The following L2HGDH variants were observed in gnomAD, a reference collection of about 807,000 sequenced individuals.
L2HGDH encodes the protein L-2-hydroxyglutarate dehydrogenase, mitochondrial.
Under a neutral mutation model 51.5 loss-of-function variants are expected in L2HGDH, and 34 were observed. That is an observed-to-expected ratio of 0.66 (90% CI 0.50 to 0.88). The LOEUF is 0.88. Among genes scored for constraint, L2HGDH ranks in the 40% least tolerant of loss-of-function variants. The pLI, the probability that L2HGDH is intolerant of heterozygous loss-of-function variation, is 0.00. For missense variants in L2HGDH, 558 were observed against 571.9 expected (o/e 0.98, Z 0.25); for synonymous variants, 198 against 197.9 (o/e 1.00, Z -0.01).
At position 50,247,020 on chromosome 14, in the gene L2HGDH, C is replaced by A; in HGVS notation, c.*38G>T. 6.3e-7 allele frequency: 1 copy of A among 1,595,958 alleles called. No individual in the cohort carries two copies. The highest frequency in any genetic ancestry group is 1.3e-5 in the African/African-American group (1 of 74,584). On this transcript the variant is annotated 3_prime_UTR_variant, in exon 10 of 10. Transcript: ENST00000267436. The stretch of plus-strand genomic sequence containing the variant: ...GCAATTAGTACATTCTTGTTGCTGA[C>A]ATGAAGATTACAGTGCATACCTAGC...
At chr14:50,285,133 G>A (rs961140640) in intron 4 of L2HGDH, among the ~76,000 whole-genome samples, 1 of 152,206 alleles carries the variant, frequency 6.6e-6, no homozygotes, top group Non-Finnish European at 1.5e-5. Flanking sequence ...TGTAGACCCA[G>A]CTACTCAGAA....
At chr14:50,296,763 G>A (rs1158110239) in intron 3 of L2HGDH, among the ~76,000 whole-genome samples, 1 of 152,094 alleles carries the variant, frequency 6.6e-6, no homozygotes, top group Non-Finnish European at 1.5e-5. Flanking sequence ...TAAAACCAGT[G>A]CTCTGGTTTC....
At chr14:50,266,709 T>C (rs916994822) in intron 8 of L2HGDH, among the ~76,000 whole-genome samples, 1 of 152,202 alleles carries the variant, frequency 6.6e-6, no homozygotes, top group African/African-American at 2.4e-5. Context: ...TACAACTACA[T>C]GTGCCAGGAA....
intron 4 of L2HGDH, among the ~76,000 whole-genome samples, chr14:50,291,096 C>T (rs1890853803): frequency 6.8e-6 from 1 of 146,076 alleles, no homozygotes; most frequent in Admixed American, 7.0e-5. Context: ...CACTTGGGAG[C>T]CTGAGGCAGG....
intron 4 of L2HGDH, among the ~76,000 whole-genome samples, chr14:50,291,139 A>G (rs534371284): frequency 5.2e-5 from 7 of 134,620 alleles, no homozygotes; most frequent in Non-Finnish European, 9.3e-5. Context: ...CGGAGGTTGC[A>G]GTGAGCCGAA....
intron 3 of L2HGDH, among the ~76,000 whole-genome samples, chr14:50,295,572 ATTTTTTTTTT>A (rs545388262): frequency 2.8e-5 from 3 of 105,802 alleles, no homozygotes; most frequent in South Asian, 3.1e-4. Flanking sequence ...CACTCGGCTA[ATTTTTTTTTT>A]TTTTTTTTTT....
At chr14:50,289,438 A>G (rs1307351687) in intron 4 of L2HGDH, among the ~76,000 whole-genome samples, 1 of 152,224 alleles carries the variant, frequency 6.6e-6, no homozygotes, top group Non-Finnish European at 1.5e-5. Context: ...AGTGCGTTAC[A>G]AAACCATTGA....
At chr14:50,276,583 A>G (rs568155443) in intron 6 of L2HGDH, among the ~76,000 whole-genome samples, 3 of 152,220 alleles carry the variant, frequency 2.0e-5, no homozygotes, top group Admixed American at 6.5e-5. Flanking sequence ...GGCTAATCCA[A>G]TAGGACTGGT....
At chr14:50,302,716 C>T (rs1566539554) in intron 2 of L2HGDH, among the ~76,000 whole-genome samples, 186 bp downstream of exon 2, 1 of 152,164 alleles carries the variant, frequency 6.6e-6, no homozygotes, top group Non-Finnish European at 1.5e-5. Context: ...CCTATAGACA[C>T]GTCCTCCTTG....
chr14:50,257,272 T>C lies in L2HGDH; in HGVS notation c.1196+8086A>G, dbSNP rs1156535750. ...ATGGATACATCTTTATCTTGCAGTA[T>C]TGCTTTCTAAATTCTTCTGAGTTAC... On this transcript the variant is annotated intron_variant, in intron 9 of 9. Coordinates refer to ENST00000267436, the MANE Select transcript of L2HGDH (RefSeq NM_024884.3). 2.0e-5 allele frequency among the ~76,000 whole-genome samples: 3 copies of C among 152,240 alleles called. No individual in the cohort carries two copies. In the East Asian group the frequency reaches 5.8e-4, roughly 29 times the overall value.
At chr14:50,288,992 A>T (rs542023920) in intron 4 of L2HGDH, among the ~76,000 whole-genome samples, 36 of 152,280 alleles carry the variant, frequency 2.4e-4, no homozygotes, top group African/African-American at 7.7e-4. Context: ...TAAGAAACAG[A>T]AAGTGGGTTT....
chr14:50,265,818 G>A (rs1889303672), intron 8 of L2HGDH, among the ~76,000 whole-genome samples: 1 of 152,200 alleles, frequency 6.6e-6, no homozygotes, highest in Admixed American at 6.5e-5. Context: ...AGAGGCTGAG[G>A]CAGGAGAATT....
At chr14:50,278,063 T>G (rs1013686422) in intron 6 of L2HGDH, among the ~76,000 whole-genome samples, 1 of 152,174 alleles carries the variant, frequency 6.6e-6, no homozygotes, top group Admixed American at 6.5e-5. Context: ...TCTGCTCCCT[T>G]GAGTACAACT....
chr14:50,269,350 C>A lies in L2HGDH; in HGVS notation c.739-20G>T, dbSNP rs2139982488. ...CTCTCCCTAGTGCAAAATAAAAGAA[C>A]AGTTATTTGTATAAAGTGGAGTAGA... On this transcript the variant is annotated intron_variant, in intron 6 of 9. Transcript: ENST00000267436. 6.2e-7 allele frequency: 1 copy of A among 1,611,558 alleles called. No individual in the cohort carries two copies. Among genetic ancestry groups the A allele is most frequent in the East Asian group, 2.2e-5 (1 of 44,838 alleles).
intron 9 of L2HGDH, among the ~76,000 whole-genome samples, chr14:50,263,774 CTT>C (rs11458897): frequency 1.3e-4 from 18 of 137,236 alleles, no homozygotes; most frequent in Non-Finnish European, 7.8e-5. Context: ...AGCCTTTTAT[CTT>C]TTTTTTTTTT....
chr14:50,251,423 G>A (rs1888343442), intron 9 of L2HGDH, among the ~76,000 whole-genome samples: 1 of 152,032 alleles, frequency 6.6e-6, no homozygotes, highest in Non-Finnish European at 1.5e-5. Context: ...CCTAAAAGAG[G>A]AGGTACAGAA....
chr14:50,309,166 T>C (rs2030905586), intron 1 of L2HGDH, among the ~76,000 whole-genome samples: 1 of 152,232 alleles, frequency 6.6e-6, no homozygotes, highest in South Asian at 2.1e-4. Context: ...ATGAAGTCCA[T>C]TTTGTCAATT....
chr14:50,245,462 G>C lies in L2HGDH; in HGVS notation c.*1596C>G. On this transcript the variant is annotated 3_prime_UTR_variant, in exon 10 of 10. Coordinates refer to ENST00000267436, the MANE Select transcript of L2HGDH (RefSeq NM_024884.3). ...TACCACATCAGTTACAAAGAGACTG[G>C]AAATAATAAAGGCTTTGAGTTTGTT... 2.0e-6 allele frequency: 2 copies of C among 984,202 alleles called. No homozygotes were observed. The highest frequency in any genetic ancestry group is 2.4e-6 in the Non-Finnish European group (2 of 828,876). The allele number at this position is 984,202 out of a possible 1,614,324, so 61.0% of individuals were successfully genotyped here.
chr14:50,246,593 G>C lies in L2HGDH; in HGVS notation c.*465C>G, dbSNP rs1316403390. ...CTACTGAGGAGCTGGAACTACAGAG[G>C]CACCAGACCCAGCTAACTTTGTGTA... On this transcript the variant is annotated 3_prime_UTR_variant, in exon 10 of 10. Coordinates refer to ENST00000267436, the MANE Select transcript of L2HGDH (RefSeq NM_024884.3). 6.1e-6 allele frequency: 1 copy of C among 162,756 alleles called. No individual in the cohort carries two copies. The highest frequency in any genetic ancestry group is 2.4e-5 in the African/African-American group (1 of 41,274). The allele number at this position is 162,756 out of a possible 1,614,324, so 10.1% of individuals were successfully genotyped here. A position where few individuals can be genotyped will look rare whatever the true frequency, so the allele number is the denominator to read the frequency against.
Sources: allele counts gnomAD v4.1 joint callset (sites outside exome capture counted in the v4.1 genomes callset), GRCh38; gene constraint gnomAD v4.1.1; transcripts MANE v1.5; gene names NCBI Gene and HGNC (gene_info 2026-07-23, HGNC 2026-07-21).